The following IER3 variants were observed in gnomAD, a reference collection of about 807,000 sequenced individuals.
IER3 encodes the protein radiation-inducible immediate-early gene IEX-1.
Under a neutral mutation model 5.4 loss-of-function variants are expected in IER3, and 5 were observed. That is an observed-to-expected ratio of 0.92 (90% CI 0.48 to 1.94). The LOEUF (loss-of-function observed/expected upper bound fraction) is 1.94, where lower values mean the gene tolerates loss of function less well. IER3 is among the 30% of genes most tolerant of loss of function. The pLI, the probability that IER3 is intolerant of heterozygous loss-of-function variation, is 0.01. For synonymous variants in IER3, 81 were observed against 97.8 expected, an observed-to-expected ratio of 0.83 and a Z score of 1.01; for missense variants, 158 against 218.2, an observed-to-expected ratio of 0.72 and a Z score of 1.74.
Position 30,744,482 on chromosome 6 carries a change from TG to T in IER3, c.36del (p.Ile13SerfsTer87). On this transcript the variant is annotated frameshift_variant, in exon 1 of 2. Transcript: ENST00000259874. LOFTEE classifies it high-confidence loss of function. This position sits in a 1 kb window ranked among gnomAD's most constrained non-coding sequence, Gnocchi z 6.0. ...GGGGCCGGGGTCGGGGCCTGCAGGA[TG>T]GTCATGGTCGGGTGGCAGCTGCGAG... is the stretch of plus-strand genomic sequence containing the variant. ...CHSRSCHPTM[T>X]ILQAPTPAPS... 1 of 1,512,786 alleles carries T rather than the reference TG, an allele frequency of 6.6e-7. No individual in the cohort carries two copies. Among genetic ancestry groups the T allele is most frequent in the Non-Finnish European group, 8.8e-7 (1 of 1,136,016 alleles). The allele number at this position is 1,512,786 out of a possible 1,614,324, so 93.7% of individuals were successfully genotyped here.
chr6:30,743,593 C>T lies in IER3; in HGVS notation c.*343G>A. ...CATTTACAGCAGGGGGAACATCTCACACCCTTGCATAAGTTAAAATAAATA... is the reference window on the plus strand; with the variant it reads ...CATTTACAGCAGGGGGAACATCTCATACCCTTGCATAAGTTAAAATAAATA... On this transcript the variant is annotated 3_prime_UTR_variant, in exon 2 of 2. Coordinates refer to ENST00000259874, the MANE Select transcript of IER3 (RefSeq NM_003897.4). This position sits in a 1 kb window ranked among gnomAD's most constrained non-coding sequence, Gnocchi z 6.5. The T allele has an allele frequency of 5.4e-6, 2 of 370,858 alleles. No homozygotes were observed. Among genetic ancestry groups the T allele is most frequent in the Non-Finnish European group, 9.6e-6 (2 of 208,652 alleles). 23.0% of individuals were successfully genotyped at this position (370,858 alleles called of 1,614,324 possible).
At position 30,743,483 on chromosome 6, in the gene IER3, C is replaced by T. The variant is rs1778175892; in HGVS notation, c.*453G>A. 5.7e-6 allele frequency: 1 copy of T among 176,436 alleles called. No individual in the cohort carries two copies. The highest frequency in any genetic ancestry group is 1.2e-5 in the Non-Finnish European group (1 of 84,464). The allele number at this position is 176,436 out of a possible 1,614,324, so 10.9% of individuals were successfully genotyped here. A position where few individuals can be genotyped will look rare whatever the true frequency, so the allele number is the denominator to read the frequency against. On this transcript the variant is annotated 3_prime_UTR_variant, in exon 2 of 2. Transcript: ENST00000259874. The surrounding 1 kb of genome is among the most constrained non-coding windows in gnomAD (Gnocchi z 6.5). The stretch of plus-strand genomic sequence containing the variant: ...GGACGTCCTCCCCCACCCGAGTCCT[C>T]CCCATTTCTTCTCCTACTTTGCCGC...
chr6:30,744,357 G>A lies in IER3; in HGVS notation c.162C>T (p.Ala54=), dbSNP rs1778249016. Residue 54 remains alanine, a synonymous_variant, in exon 1 of 2, where the codon GCC becomes GCT. Coordinates refer to ENST00000259874, the MANE Select transcript of IER3 (RefSeq NM_003897.4). The surrounding 1 kb of genome is among the most constrained non-coding windows in gnomAD (Gnocchi z 6.0). ...GGCTGCGCTTTCGGTGCCCGCGAGA[G>A]GCGCTGGGGCGCCCGGCAGGGGCCG... ...PAAAPAGRPS[A]SRGHRKRSRR... 1 of 1,609,558 alleles carries A rather than the reference G, an allele frequency of 6.2e-7. No individual in the cohort carries two copies.
chr6:30,744,439 G>T lies in IER3; in HGVS notation c.80C>A (p.Pro27His). The change falls in exon 1 of 2, where the codon CCC (proline) becomes CAC (histidine). Residue 27 changes from proline to histidine, a missense_variant. Pro to His is a moderately conservative substitution (Grantham distance 77, BLOSUM62 -2). Coordinates refer to ENST00000259874, the MANE Select transcript of IER3 (RefSeq NM_003897.4). This position sits in a 1 kb window ranked among gnomAD's most constrained non-coding sequence, Gnocchi z 6.0. ...GATCTCAGGACCGGAGCCCCGCCGG[G>T]GTCCCGGGATGGTGGAGGGGGCCGG... ...PTPAPSTIPGPRRGSGPEIFT... is the reference protein window; with the variant it reads ...PTPAPSTIPGHRRGSGPEIFT... The T allele has an allele frequency of 6.5e-7, 1 of 1,539,454 alleles. No homozygotes were observed. Among genetic ancestry groups the T allele is most frequent in the Non-Finnish European group, 8.7e-7 (1 of 1,149,774 alleles).
chr6:30,743,357 G>A lies in IER3; in HGVS notation c.*579C>T, dbSNP rs1778165869. On this transcript the variant is annotated 3_prime_UTR_variant, in exon 2 of 2. Coordinates refer to ENST00000259874, the MANE Select transcript of IER3 (RefSeq NM_003897.4). The surrounding 1 kb of genome is among the most constrained non-coding windows in gnomAD (Gnocchi z 6.5). ...GGATCTCACGGATCTCATTCCTAATGGTCCGCCGAAGTCTCACACAGTAGA... is the reference window on the plus strand; with the variant it reads ...GGATCTCACGGATCTCATTCCTAATAGTCCGCCGAAGTCTCACACAGTAGA... The A allele has an allele frequency of 6.5e-6, 1 of 153,482 alleles. No individual in the cohort carries two copies. The highest frequency in any genetic ancestry group is 6.5e-5 in the Admixed American group (1 of 15,284). 9.5% of individuals were successfully genotyped at this position (153,482 alleles called of 1,614,324 possible).
chr6:30,743,763 G>C lies in IER3; in HGVS notation c.*173C>G. 1.2e-6 allele frequency: 1 copy of C among 854,646 alleles called. No individual in the cohort carries two copies. The highest frequency in any genetic ancestry group is 1.7e-6 in the Non-Finnish European group (1 of 573,978). 52.9% of individuals were successfully genotyped at this position (854,646 alleles called of 1,614,324 possible). A position where few individuals can be genotyped will look rare whatever the true frequency, so the allele number is the denominator to read the frequency against. On this transcript the variant is annotated 3_prime_UTR_variant, in exon 2 of 2. Coordinates refer to ENST00000259874, the MANE Select transcript of IER3 (RefSeq NM_003897.4). The surrounding 1 kb of genome is among the most constrained non-coding windows in gnomAD (Gnocchi z 6.5). ...CTGTGCCTCGGTCTCTATGCGCCTC[G>C]GTCTCTGTGCGCCTCGGTCCCGCCT...
In IER3 at chr6:30,744,251, G is replaced by A; in HGVS notation, c.211-55C>T. ...AGGTCGAGGCCTCTGGAGTCGGGTCGTTCCCCAGTGACTCCAGGGCAGCGC... is the reference window on the plus strand; with the variant it reads ...AGGTCGAGGCCTCTGGAGTCGGGTCATTCCCCAGTGACTCCAGGGCAGCGC... On this transcript the variant is annotated intron_variant, in intron 1 of 1. Transcript: ENST00000259874. This position sits in a 1 kb window ranked among gnomAD's most constrained non-coding sequence, Gnocchi z 6.0. The A allele has an allele frequency of 6.2e-7, 1 of 1,612,904 alleles. No individual in the cohort carries two copies. The highest frequency in any genetic ancestry group is 8.5e-7 in the Non-Finnish European group (1 of 1,179,976).
chr6:30,743,207 G>A lies in IER3; in HGVS notation c.*729C>T, dbSNP rs1357168437. On this transcript the variant is annotated 3_prime_UTR_variant, in exon 2 of 2. Coordinates refer to ENST00000259874, the MANE Select transcript of IER3 (RefSeq NM_003897.4). This position sits in a 1 kb window ranked among gnomAD's most constrained non-coding sequence, Gnocchi z 6.5. ...AAAGATACACTCAAGACTGCAGACA[G>A]TAAATCAATTTTATTTGTGTTCACA... 1.3e-5 allele frequency: 2 copies of A among 152,252 alleles called. No homozygotes were observed. The highest frequency in any genetic ancestry group is 2.9e-5 in the Non-Finnish European group (2 of 68,052). The allele number at this position is 152,252 out of a possible 1,614,324, so 9.4% of individuals were successfully genotyped here. A position where few individuals can be genotyped will look rare whatever the true frequency, so the allele number is the denominator to read the frequency against.
rs781226212 is a variant in IER3 at position 30,743,933 on chromosome 6, CAGTT to C, written c.470_*2del. The C allele has an allele frequency of 1.1e-5, 17 of 1,609,180 alleles. No individual in the cohort carries two copies. The highest frequency in any genetic ancestry group is 4.4e-5 in the South Asian group (4 of 90,738). ...TCTTTTTGGGGAGTGCGGGGAGTCA[CAGTT>C]AGAAGGCGGCCGGGTGTTGCTGGAG... On this transcript the variant is annotated stop_lost and 3_prime_UTR_variant, in exon 2 of 2. Transcript: ENST00000259874. This position sits in a 1 kb window ranked among gnomAD's most constrained non-coding sequence, Gnocchi z 6.5.
At position 30,744,462 on chromosome 6, in the gene IER3, C is replaced by T; in HGVS notation, c.57G>A (p.Pro19=). 3.9e-6 allele frequency: 6 copies of T among 1,527,970 alleles called. No individual in the cohort carries two copies. The highest frequency in any genetic ancestry group is 5.2e-6 in the Non-Finnish European group (6 of 1,143,792). 94.7% of individuals were successfully genotyped at this position (1,527,970 alleles called of 1,614,324 possible). ...PTMTILQAPT[P]APSTIPGPRR... Reference sequence around the variant, plus strand: ...GGGGTCCCGGGATGGTGGAGGGGGCCGGGGTCGGGGCCTGCAGGATGGTCA... The same window carrying T: ...GGGGTCCCGGGATGGTGGAGGGGGCTGGGGTCGGGGCCTGCAGGATGGTCA... The change falls in exon 1 of 2, where the codon CCG becomes CCA. Residue 19 remains proline (P), a synonymous_variant. Transcript: ENST00000259874. This position sits in a 1 kb window ranked among gnomAD's most constrained non-coding sequence, Gnocchi z 6.0.
rs1334455608 is a variant in IER3, at chr6:30,743,951, G to A, written c.456C>T (p.His152=). 2 of 1,612,144 alleles carry A rather than the reference G, an allele frequency of 1.2e-6. No homozygotes were observed. Among genetic ancestry groups the A allele is most frequent in the Non-Finnish European group, 1.7e-6 (2 of 1,179,576 alleles). The change falls in exon 2 of 2, where the codon CAC becomes CAT. Residue 152 remains histidine (H), a synonymous_variant. Coordinates refer to ENST00000259874, the MANE Select transcript of IER3 (RefSeq NM_003897.4). This position sits in a 1 kb window ranked among gnomAD's most constrained non-coding sequence, Gnocchi z 6.5. ...GGAGTCACAGTTAGAAGGCGGCCGG[G>A]TGTTGCTGGAGGAAAGTGCTGAGGT... ...ALDLSTFLQQ[H]PAAF
In IER3 at chr6:30,743,838, CG is replaced by C; in HGVS notation, c.*97del. 1 of 1,521,516 alleles carries C rather than the reference CG, an allele frequency of 6.6e-7. No homozygotes were observed. 94.3% of individuals were successfully genotyped at this position (1,521,516 alleles called of 1,614,324 possible). A position where few individuals can be genotyped will look rare whatever the true frequency, so the allele number is the denominator to read the frequency against. On this transcript the variant is annotated 3_prime_UTR_variant, in exon 2 of 2. Transcript: ENST00000259874. This position sits in a 1 kb window ranked among gnomAD's most constrained non-coding sequence, Gnocchi z 6.5. ...GTAGTGTTCTGAGTTCAAGTTGCCT[CG>C]GAAGTCCCAGTTGGGGATACGCTCT...
Position 30,744,359 on chromosome 6 carries a change from C to G in IER3, c.160G>C (p.Ala54Pro). The G allele has an allele frequency of 6.2e-7, 1 of 1,609,532 alleles. No individual in the cohort carries two copies. The highest frequency in any genetic ancestry group is 1.3e-5 in the African/African-American group (1 of 74,852). ...PAAAPAGRPS[A>P]SRGHRKRSRR... is the part of the protein sequence containing the mutation. ...CTGCGCTTTCGGTGCCCGCGAGAGG[C>G]GCTGGGGCGCCCGGCAGGGGCCGCT... Residue 54 changes from alanine to proline, a missense_variant, in exon 1 of 2, where the codon GCC (alanine) becomes CCC (proline). Physicochemically the swap from Ala to Pro is conservative, Grantham distance 27. Coordinates refer to ENST00000259874, the MANE Select transcript of IER3 (RefSeq NM_003897.4). The surrounding 1 kb of genome is among the most constrained non-coding windows in gnomAD (Gnocchi z 6.0).
chr6:30,744,198 T>C lies in IER3; in HGVS notation c.211-2A>G. ...CTCGACTGGCAGCTGGCGCCGGACC[T>C]AAGGGGAGACAAAACAGGAGACAGG... On this transcript the variant is annotated splice_acceptor_variant, in intron 1 of 1. Coordinates refer to ENST00000259874, the MANE Select transcript of IER3 (RefSeq NM_003897.4). LOFTEE classifies it high-confidence loss of function. This position sits in a 1 kb window ranked among gnomAD's most constrained non-coding sequence, Gnocchi z 6.0. 1 of 1,613,284 alleles carries C rather than the reference T, an allele frequency of 6.2e-7. No individual in the cohort carries two copies.
At position 30,743,904 on chromosome 6, in the gene IER3, G is replaced by A; in HGVS notation, c.*32C>T. ...GCCTGGTGTTTCTTTGTGGTTTTTC[G>A]GATTCTTTTTGGGGAGTGCGGGGAG... On this transcript the variant is annotated 3_prime_UTR_variant, in exon 2 of 2. Transcript: ENST00000259874. This position sits in a 1 kb window ranked among gnomAD's most constrained non-coding sequence, Gnocchi z 6.5. 1.3e-6 allele frequency: 2 copies of A among 1,585,536 alleles called. No homozygotes were observed. Among genetic ancestry groups the A allele is most frequent in the Non-Finnish European group, 1.7e-6 (2 of 1,173,256 alleles).
At position 30,744,531 on chromosome 6, in the gene IER3, G is replaced by C. The variant is rs759974117; in HGVS notation, c.-13C>G. The C allele has an allele frequency of 6.8e-7, 1 of 1,473,014 alleles. No homozygotes were observed. The highest frequency in any genetic ancestry group is 1.4e-5 in the African/African-American group (1 of 69,852). 91.2% of individuals were successfully genotyped at this position (1,473,014 alleles called of 1,614,324 possible). A position where few individuals can be genotyped will look rare whatever the true frequency, so the allele number is the denominator to read the frequency against. On this transcript the variant is annotated 5_prime_UTR_variant, in exon 1 of 2. Coordinates refer to ENST00000259874, the MANE Select transcript of IER3 (RefSeq NM_003897.4). This position sits in a 1 kb window ranked among gnomAD's most constrained non-coding sequence, Gnocchi z 6.0. ...GAGAGTGACACATGGTGAGCCGAGC[G>C]GAGTGTAAGGCCAAGTGAGGGTCGG...
Position 30,744,531 on chromosome 6 carries a change from G to T in IER3, c.-13C>A, listed in dbSNP as rs759974117. The T allele has an allele frequency of 5.7e-5, 84 of 1,473,014 alleles. No homozygotes were observed. The highest frequency in any genetic ancestry group is 3.7e-4 in the Middle Eastern group (2 of 5,364). The allele number at this position is 1,473,014 out of a possible 1,614,324, so 91.2% of individuals were successfully genotyped here. A position where few individuals can be genotyped will look rare whatever the true frequency, so the allele number is the denominator to read the frequency against. On this transcript the variant is annotated 5_prime_UTR_variant, in exon 1 of 2. Coordinates refer to ENST00000259874, the MANE Select transcript of IER3 (RefSeq NM_003897.4). This position sits in a 1 kb window ranked among gnomAD's most constrained non-coding sequence, Gnocchi z 6.0. ...GAGAGTGACACATGGTGAGCCGAGC[G>T]GAGTGTAAGGCCAAGTGAGGGTCGG...
Position 30,744,179 on chromosome 6 carries a change from T to G in IER3, c.228A>C (p.Pro76=). The G allele has an allele frequency of 1.2e-6, 2 of 1,613,684 alleles. No individual in the cohort carries two copies. Among genetic ancestry groups the G allele is most frequent in the Non-Finnish European group, 1.7e-6 (2 of 1,180,016 alleles). The change falls in exon 2 of 2, where the codon CCA becomes CCC. Residue 76 remains proline (P), a synonymous_variant. Transcript: ENST00000259874. The surrounding 1 kb of genome is among the most constrained non-coding windows in gnomAD (Gnocchi z 6.0). The part of the protein sequence containing the change: ...LYPRVVRRQL[P]VEEPNPAKRL... ...TTTTGGCTGGGTTCGGTTCCTCGAC[T>G]GGCAGCTGGCGCCGGACCTAAGGGG...
chr6:30,743,715 C>T lies in IER3; in HGVS notation c.*221G>A, dbSNP rs1778191384. 1 of 574,652 alleles carries T rather than the reference C, an allele frequency of 1.7e-6. No homozygotes were observed. Among genetic ancestry groups the T allele is most frequent in the African/African-American group, 1.9e-5 (1 of 51,818 alleles). 35.6% of individuals were successfully genotyped at this position (574,652 alleles called of 1,614,324 possible). The stretch of plus-strand genomic sequence containing the variant: ...AATAAATTAACGACGCTCTCCTTCC[C>T]ACCGGGCCTAGCCCCAGCTGGGCTG... On this transcript the variant is annotated 3_prime_UTR_variant, in exon 2 of 2. Transcript: ENST00000259874. The surrounding 1 kb of genome is among the most constrained non-coding windows in gnomAD (Gnocchi z 6.5).
Sources: allele counts gnomAD v4.1 joint callset, GRCh38; gene constraint gnomAD v4.1.1; non-coding constraint Gnocchi (gnomAD v3.1); transcripts MANE v1.5; gene names NCBI Gene and HGNC (gene_info 2026-07-23, HGNC 2026-07-21).